The following CLMN variants were observed in gnomAD, a reference collection of about 807,000 sequenced individuals.
CLMN encodes calmin, also known as calmin (calponin-like, transmembrane).
CLMN carries 57 observed loss-of-function variants against 92.7 expected under a neutral mutation model. That is an observed-to-expected ratio of 0.61 (90% CI 0.50 to 0.77). CLMN has a LOEUF of 0.77. CLMN is among the 30% of genes least tolerant of loss of function. The probability of loss-of-function intolerance (pLI) is 0.00; values close to 1 mark genes in which losing one functional copy is unlikely to be tolerated. For synonymous variants in CLMN, 466 were observed against 470.6 expected (o/e 0.99, Z 0.13); for missense variants, 1,158 against 1,237.5 (o/e 0.94, Z 0.96).
At chr14:95,200,627 C>A (rs1398676182) in intron 9 of CLMN, among the ~76,000 whole-genome samples, 4 of 152,170 alleles carry the variant, frequency 2.6e-5, no homozygotes, top group African/African-American at 7.2e-5. Flanking sequence ...ATCAGGCCAG[C>A]CGCCCAGGCA....
intron 10 of CLMN, among the ~76,000 whole-genome samples, chr14:95,195,116 AC>A (rs1365949299): frequency 6.6e-6 from 1 of 152,122 alleles, no homozygotes; most frequent in Non-Finnish European, 1.5e-5. Context: ...CGCCTGAATC[AC>A]CCCTGTGGCT....
At chr14:95,301,307 C>G (rs118155288) in intron 1 of CLMN, among the ~76,000 whole-genome samples, 14 of 152,222 alleles carry the variant, frequency 9.2e-5, no homozygotes, top group African/African-American at 3.4e-4. Context: ...GCCTATTACC[C>G]TACCAGCTCT....
At chr14:95,250,532 C>G (rs903013155) in intron 1 of CLMN, among the ~76,000 whole-genome samples, 1 of 152,186 alleles carries the variant, frequency 6.6e-6, no homozygotes, top group African/African-American at 2.4e-5. Flanking sequence ...AAATAACAGG[C>G]AACAGGCTCT....
In CLMN at chr14:95,185,426, C is replaced by G. The variant is rs1321610488; in HGVS notation, c.*6138G>C. On this transcript the variant is annotated 3_prime_UTR_variant, in exon 13 of 13. Transcript: ENST00000298912. ...GCTCCCAGCCTTCCACCACCCAACCCAGGTCCTGGACCTTGTCATTAGGGC... is the reference window on the plus strand; with the variant it reads ...GCTCCCAGCCTTCCACCACCCAACCGAGGTCCTGGACCTTGTCATTAGGGC... 6.6e-6 allele frequency: 1 copy of G among 152,466 alleles called. No individual in the cohort carries two copies. Among genetic ancestry groups the G allele is most frequent in the Admixed American group, 6.5e-5 (1 of 15,276 alleles). The allele number at this position is 152,466 out of a possible 1,614,324, so 9.4% of individuals were successfully genotyped here.
chr14:95,294,029 G>C lies in CLMN; in HGVS notation c.82+25682C>G, dbSNP rs1028993413. Among the ~76,000 whole-genome samples the C allele has an allele frequency of 3.9e-5, 6 of 152,182 alleles. No individual in the cohort carries two copies. Among genetic ancestry groups the C allele is most frequent in the Non-Finnish European group, 5.9e-5 (4 of 68,034 alleles). On this transcript the variant is annotated intron_variant, in intron 1 of 12. Coordinates refer to ENST00000298912, the MANE Select transcript of CLMN (RefSeq NM_024734.4). This position sits in a 1 kb window ranked among gnomAD's most constrained non-coding sequence, Gnocchi z 4.2. Reference sequence around the variant, plus strand: ...GGAGGGTGACACCAAAGAGGAGGAGGAGGAGGAGGAGGCCAGAAGTCTGGC... The same window carrying C: ...GGAGGGTGACACCAAAGAGGAGGAGCAGGAGGAGGAGGCCAGAAGTCTGGC...
intron 2 of CLMN, among the ~76,000 whole-genome samples, chr14:95,229,082 G>A (rs1350935485): frequency 2.6e-5 from 4 of 152,306 alleles, no homozygotes; most frequent in African/African-American, 7.2e-5. Flanking sequence ...TATAGATGGA[G>A]AACCAGATAG....
At chr14:95,283,164 A>T (rs1266517438) in intron 1 of CLMN, among the ~76,000 whole-genome samples, 1 of 152,184 alleles carries the variant, frequency 6.6e-6, no homozygotes, top group East Asian at 1.9e-4. Flanking sequence ...TGTATTTCCC[A>T]TGCTATTCTT....
At chr14:95,240,995 G>T (rs113096608) in intron 1 of CLMN, among the ~76,000 whole-genome samples, 20,541 of 151,992 alleles carry the variant, frequency 0.14, 2,401 homozygotes, top group African/African-American at 0.31. Context: ...GAAGAAAGGT[G>T]TGATCTGTTG....
At chr14:95,308,453 C>A (rs1901380394) in intron 1 of CLMN, among the ~76,000 whole-genome samples, 1 of 152,204 alleles carries the variant, frequency 6.6e-6, no homozygotes, top group African/African-American at 2.4e-5. Flanking sequence ...TACTACCCAG[C>A]CCCTGACTGA....
rs1896374105 is a variant in CLMN at position 95,183,552 on chromosome 14, C to A, written c.*8012G>T. On this transcript the variant is annotated 3_prime_UTR_variant, in exon 13 of 13. Transcript: ENST00000298912. ...TCTCTACTTCTCCATTTTAATTACACTGCCCTCAGGCCTTCTCTACTTTTC... is the reference window on the plus strand; with the variant it reads ...TCTCTACTTCTCCATTTTAATTACAATGCCCTCAGGCCTTCTCTACTTTTC... 2 of 152,228 alleles carry A rather than the reference C, an allele frequency of 1.3e-5. No individual in the cohort carries two copies. Among genetic ancestry groups the A allele is most frequent in the African/African-American group, 4.8e-5 (2 of 41,450 alleles). 9.4% of individuals were successfully genotyped at this position (152,228 alleles called of 1,614,324 possible). A position where few individuals can be genotyped will look rare whatever the true frequency, so the allele number is the denominator to read the frequency against.
intron 1 of CLMN, among the ~76,000 whole-genome samples, chr14:95,264,053 T>TTTAC (rs1899371557): frequency 1.4e-5 from 2 of 147,342 alleles, no homozygotes; most frequent in South Asian, 2.1e-4. Flanking sequence ...TATTTATTTA[T>TTTAC]TTGAGACAGG....
rs1044950118 is a variant in CLMN at position 95,186,207 on chromosome 14, G to A, written c.*5357C>T. ...CGCTTACATAATTCCTGAGGTTTTC[G>A]AACAGTCTGTGACTTACAGAGATCA... On this transcript the variant is annotated 3_prime_UTR_variant, in exon 13 of 13. Coordinates refer to ENST00000298912, the MANE Select transcript of CLMN (RefSeq NM_024734.4). The A allele has an allele frequency of 2.0e-5, 3 of 152,172 alleles. No individual in the cohort carries two copies. Among genetic ancestry groups the A allele is most frequent in the African/African-American group, 7.2e-5 (3 of 41,426 alleles). The allele number at this position is 152,172 out of a possible 1,614,324, so 9.4% of individuals were successfully genotyped here.
In CLMN at chr14:95,194,068, T is replaced by C; in HGVS notation, c.2770-149A>G. 6.8e-7 allele frequency: 1 copy of C among 1,460,398 alleles called. No homozygotes were observed. The highest frequency in any genetic ancestry group is 1.4e-5 in the African/African-American group (1 of 70,240). 90.5% of individuals were successfully genotyped at this position (1,460,398 alleles called of 1,614,324 possible). On this transcript the variant is annotated intron_variant, in intron 11 of 12. Transcript: ENST00000298912. This position sits in a 1 kb window ranked among gnomAD's most constrained non-coding sequence, Gnocchi z 4.0. Reference sequence around the variant, plus strand: ...CCAGCGTCTAGATCCAAAATCAAAGTGCTAAACAATATACATTCCTCTACC... The same window carrying C: ...CCAGCGTCTAGATCCAAAATCAAAGCGCTAAACAATATACATTCCTCTACC...
intron 1 of CLMN, among the ~76,000 whole-genome samples, chr14:95,285,249 G>A (rs140973047): frequency 1.3e-5 from 2 of 152,228 alleles, no homozygotes; most frequent in Non-Finnish European, 2.9e-5. Flanking sequence ...CTTCCCAGTC[G>A]TGGGTATGCC....
Position 95,204,385 on chromosome 14 carries a change from C to T in CLMN, c.964G>A (p.Glu322Lys). The T allele has an allele frequency of 6.2e-7, 1 of 1,613,992 alleles. No individual in the cohort carries two copies. Among genetic ancestry groups the T allele is most frequent in the Non-Finnish European group, 8.5e-7 (1 of 1,179,986 alleles). Reference protein sequence around the residue: ...VRIKETPSEQESKVFVLTENG... With the variant: ...VRIKETPSEQKSKVFVLTENG... ...TCAGTCAGAACGAAGACTTTGCTCT[C>T]CTGTTCAGAAGGAGTTTCTTTGATG... Residue 322 changes from glutamate to lysine, a missense_variant, in exon 9 of 13, where the codon GAG becomes AAG. Physicochemically the swap from Glu to Lys is moderately conservative, Grantham distance 56 (BLOSUM62 1). Coordinates refer to ENST00000298912, the MANE Select transcript of CLMN (RefSeq NM_024734.4).
At chr14:95,221,913 C>T in intron 3 of CLMN, 139 bp from the exon 4 acceptor site, 1 of 710,534 alleles carries the variant, frequency 1.4e-6, no homozygotes, top group Non-Finnish European at 2.3e-6. Context: ...TAAAACCCAC[C>T]TGGAATGCAT....
chr14:95,248,281 T>C (rs141723136), intron 1 of CLMN, among the ~76,000 whole-genome samples: 414 of 152,236 alleles, frequency 2.7e-3, no homozygotes, highest in African/African-American at 9.5e-3. Flanking sequence ...TAAGAAAATA[T>C]AAAATGCCAA....
Position 95,194,310 on chromosome 14 carries a change from G to A in CLMN, c.2769+226C>T. ...TTTGGGTGCGTTTTTATAGCAAGGA[G>A]GCCTTTGGGCTTTAAAATCCTCACT... On this transcript the variant is annotated intron_variant, in intron 11 of 12. Coordinates refer to ENST00000298912, the MANE Select transcript of CLMN (RefSeq NM_024734.4). This position sits in a 1 kb window ranked among gnomAD's most constrained non-coding sequence, Gnocchi z 4.0. 7.1e-7 allele frequency: 1 copy of A among 1,417,460 alleles called. No individual in the cohort carries two copies. Among genetic ancestry groups the A allele is most frequent in the East Asian group, 2.6e-5 (1 of 38,762 alleles). 87.8% of individuals were successfully genotyped at this position (1,417,460 alleles called of 1,614,324 possible).
chr14:95,275,616 C>A (rs1003784440), intron 1 of CLMN, among the ~76,000 whole-genome samples: 6 of 152,198 alleles, frequency 3.9e-5, no homozygotes, highest in Non-Finnish European at 2.9e-5. Context: ...AAATCGCCAA[C>A]CCACAGTCCT....
Sources: allele counts gnomAD v4.1 joint callset (sites outside exome capture counted in the v4.1 genomes callset), GRCh38; gene constraint gnomAD v4.1.1; non-coding constraint Gnocchi (gnomAD v3.1); transcripts MANE v1.5; gene names NCBI Gene and HGNC (gene_info 2026-07-23, HGNC 2026-07-21).